Variants in ACSM3 observed in about 807,000 individuals in gnomAD.
The protein encoded by ACSM3 is acyl-coenzyme A synthetase ACSM3, mitochondrial.
In ACSM3, 61 loss-of-function variants were observed where a neutral mutation model predicts 74.1. The observed-to-expected ratio is 0.82, with a 90% CI of 0.67 to 1.02. ACSM3 has a LOEUF of 1.02. Ranked by LOEUF, ACSM3 falls within the 50% of genes least tolerant of loss-of-function variation. The pLI, the probability that ACSM3 is intolerant of heterozygous loss-of-function variation, is 0.00. For missense variants in ACSM3, 660 were observed against 697.0 expected, an observed-to-expected ratio of 0.95 and a Z score of 0.60; for synonymous variants, 213 against 241.5, an observed-to-expected ratio of 0.88 and a Z score of 1.09.
At chr16:20,720,757 CAT>C (rs1183917603) in intron 1 of ACSM3, among the ~76,000 whole-genome samples, 6 of 152,152 alleles carry the variant, frequency 3.9e-5, no homozygotes, top group African/African-American at 1.2e-4. Flanking sequence ...TTACAAAGAT[CAT>C]GTGTGTATTT....
intron 1 of ACSM3, among the ~76,000 whole-genome samples, chr16:20,694,897 C>A (rs1348868488): frequency 1.3e-5 from 2 of 152,086 alleles, no homozygotes; most frequent in South Asian, 4.1e-4. Flanking sequence ...AGAGGGAGAC[C>A]ATGTGAATAT....
chr16:20,758,726 T>A (rs1210186333), intron 3 of ACSM3, among the ~76,000 whole-genome samples: 1 of 150,992 alleles, frequency 6.6e-6, no homozygotes, highest in Non-Finnish European at 1.5e-5. Flanking sequence ...GATGTTAGGG[T>A]GTCAATTTTG....
chr16:20,729,576 A>C, intron 1 of ACSM3: 1 of 392,364 alleles, frequency 2.5e-6, no homozygotes, highest in South Asian at 3.1e-5. Context: ...CATTAATTAA[A>C]GTAGCAACTT....
chr16:20,711,725 A>C (rs2079744738), intron 1 of ACSM3: 1 of 426,884 alleles, frequency 2.3e-6, no homozygotes, highest in East Asian at 5.7e-5. Flanking sequence ...CAACAACACA[A>C]ATTATTGCTA....
chr16:20,791,974 T>C (rs1278129275), intron 10 of ACSM3, 28 bp from the exon 11 acceptor site: 1 of 1,610,066 alleles, frequency 6.2e-7, no homozygotes, highest in Non-Finnish European at 8.5e-7. Flanking sequence ...GGATTCACCA[T>C]AACAACAAAA....
At chr16:20,769,862 G>C in intron 1 of ACSM3, 122 bp from the exon 2 acceptor site, 3 of 619,660 alleles carry the variant, frequency 4.8e-6, no homozygotes, top group Non-Finnish European at 8.6e-6. Context: ...GGAACACAGA[G>C]TGTACGCAGC....
intron 1 of ACSM3, among the ~76,000 whole-genome samples, chr16:20,726,416 G>A (rs2079806315): frequency 6.6e-6 from 1 of 152,206 alleles, no homozygotes; most frequent in South Asian, 2.1e-4. Flanking sequence ...AAAGTGCTAT[G>A]CAAGACAGAA....
chr16:20,717,030 G>T (rs1453478971), intron 1 of ACSM3, among the ~76,000 whole-genome samples: 2 of 152,162 alleles, frequency 1.3e-5, no homozygotes, highest in Non-Finnish European at 2.9e-5. Flanking sequence ...AGGTAAGGTG[G>T]ACTGAAAGTT....
chr16:20,738,781 C>T, intron 1 of ACSM3: 1 of 1,178,292 alleles, frequency 8.5e-7, no homozygotes, highest in Non-Finnish European at 1.2e-6. Context: ...ACAGAAGCTG[C>T]CATCAAATGA....
At chr16:20,695,541 TCA>T (rs776553398) in intron 1 of ACSM3, among the ~76,000 whole-genome samples, 1 of 146,372 alleles carries the variant, frequency 6.8e-6, no homozygotes, top group Non-Finnish European at 1.5e-5. Context: ...TCCAGCTTTT[TCA>T]CTGATTATCT....
Position 20,770,214 on chromosome 16 carries a change from T to C in ACSM3, c.180T>C (p.Phe60=). 4.3e-6 allele frequency: 7 copies of C among 1,614,184 alleles called. No individual in the cohort carries two copies. Among genetic ancestry groups the C allele is most frequent in the Non-Finnish European group, 5.1e-6 (6 of 1,180,020 alleles). ...FKLGIPEYFN[F]AKDVLDQWTD... ...TGGGGATTCCAGAGTATTTCAACTTTGCTAAAGATGTCCTGGACCAATGGA... is the reference window on the plus strand; with the variant it reads ...TGGGGATTCCAGAGTATTTCAACTTCGCTAAAGATGTCCTGGACCAATGGA... Residue 60 remains phenylalanine, a synonymous_variant, in exon 2 of 14, where the codon TTT becomes TTC. Coordinates refer to ENST00000289416, the MANE Select transcript of ACSM3 (RefSeq NM_005622.4).
At chr16:20,795,686 G>A (rs759814363) in intron 12 of ACSM3, among the ~76,000 whole-genome samples, 4 of 152,192 alleles carry the variant, frequency 2.6e-5, no homozygotes, top group African/African-American at 4.8e-5. Flanking sequence ...GTAATCTGGC[G>A]TTGGAGGTAC....
intron 1 of ACSM3, among the ~76,000 whole-genome samples, chr16:20,683,646 CT>C (rs36182498): frequency 0.55 from 75,762 of 136,702 alleles, 22,920 homozygotes; most frequent in Non-Finnish European, 0.7. Flanking sequence ...CAGCTCAAGT[CT>C]TTTTTTTTTT....
At chr16:20,777,276 T>C in intron 3 of ACSM3, 97 bp from the exon 4 acceptor site, 2 of 1,149,630 alleles carry the variant, frequency 1.7e-6, no homozygotes, top group Non-Finnish European at 2.5e-6. Context: ...ACTAACTCAC[T>C]CTGAGAAATA....
chr16:20,792,292 C>T lies in ACSM3; in HGVS notation c.1511C>T (p.Ala504Val). The T allele has an allele frequency of 6.2e-7, 1 of 1,614,100 alleles. No homozygotes were observed. The highest frequency in any genetic ancestry group is 8.5e-7 in the Non-Finnish European group (1 of 1,179,958). ...ENALNEHPSV[A>V]ESAVVSSPDP... ...GCCCTGAATGAACACCCTTCAGTTG[C>T]AGAGTCAGCTGTTGTCAGCAGCCCA... The change falls in exon 12 of 14, where the codon GCA (alanine) becomes GTA (valine). Residue 504 changes from alanine to valine, a missense_variant. Ala to Val is a moderately conservative substitution (Grantham distance 64). Coordinates refer to ENST00000289416, the MANE Select transcript of ACSM3 (RefSeq NM_005622.4).
At chr16:20,755,789 C>CG (rs1379946251) in intron 3 of ACSM3, among the ~76,000 whole-genome samples, 1 of 111,126 alleles carries the variant, frequency 9.0e-6, no homozygotes, top group African/African-American at 3.3e-5. Flanking sequence ...TCCCCCCCCC[C>CG]CACCCCACAG....
chr16:20,700,454 C>T (rs1455538020), intron 1 of ACSM3, among the ~76,000 whole-genome samples: 1 of 151,816 alleles, frequency 6.6e-6, no homozygotes, highest in African/African-American at 2.4e-5. Flanking sequence ...TAAGAGGTGA[C>T]ATTTTGAGAC....
chr16:20,685,826 AAAAAACAAACAAAAAAAAAAC>A (rs200822513), intron 1 of ACSM3, among the ~76,000 whole-genome samples: 10,121 of 127,850 alleles, frequency 0.079, 1,176 homozygotes, highest in East Asian at 0.21. Flanking sequence ...TCTCAAAAAA[AAAAAACAAACAAAAAAAAAAC>A]AAAAAACTTA....
At chr16:20,699,438 C>A (rs2079707010) in intron 1 of ACSM3, among the ~76,000 whole-genome samples, 1 of 152,136 alleles carries the variant, frequency 6.6e-6, no homozygotes, top group Non-Finnish European at 1.5e-5. Context: ...GTGTGGCAAG[C>A]TAGGATAGTT....
Sources: gnomAD v4.1 joint callset for allele counts (sites outside exome capture counted in the v4.1 genomes callset) on GRCh38, gnomAD v4.1.1 for gene constraint, MANE v1.5 for transcripts, NCBI Gene and HGNC (gene_info 2026-07-23, HGNC 2026-07-21) for gene names.